ADK: variants seen among roughly 807,000 people sequenced by gnomAD.
The protein encoded by ADK is adenosine kinase, also known as N6,N6-dimethyladenosine kinase.
Under a neutral mutation model 44.7 loss-of-function variants are expected in ADK, and 24 were observed. The observed-to-expected ratio is 0.54, with a 90% confidence interval of 0.39 to 0.76. The LOEUF (loss-of-function observed/expected upper bound fraction) is 0.76, where lower values mean the gene tolerates loss of function less well. ADK is among the 30% of genes least tolerant of loss of function. ADK has a pLI of 0.00. For missense variants in ADK, 321 were observed against 425.1 expected (o/e 0.76, Z 2.15); for synonymous variants, 128 against 142.6 (o/e 0.90, Z 0.73).
At chr10:74,597,313 C>A (rs1484264704) in intron 8 of ADK, among the ~76,000 whole-genome samples, 2 of 151,956 alleles carry the variant, frequency 1.3e-5, no homozygotes, top group Non-Finnish European at 2.9e-5. Flanking sequence ...TCCCACATAC[C>A]CTTCACCCAG....
At chr10:74,444,947 T>C (rs1338883499) in intron 6 of ADK, among the ~76,000 whole-genome samples, 2 of 151,900 alleles carry the variant, frequency 1.3e-5, no homozygotes, top group East Asian at 3.8e-4. Flanking sequence ...AGATTAAAGG[T>C]GTAGGTTAGA....
At chr10:74,553,190 G>GTGT (rs1850097157) in intron 7 of ADK, among the ~76,000 whole-genome samples, 28 of 60,438 alleles carry the variant, frequency 4.6e-4, no homozygotes, top group East Asian at 2.0e-3. Context: ...AGCACATTGT[G>GTGT]TTTTTTTTTT....
At chr10:74,598,216 A>G (rs933729223) in intron 8 of ADK, among the ~76,000 whole-genome samples, 8 of 152,154 alleles carry the variant, frequency 5.3e-5, no homozygotes, top group African/African-American at 1.4e-4. Flanking sequence ...AGAAGAACCT[A>G]TTGGGGACAG....
chr10:74,606,330 G>C (rs1046719284), intron 9 of ADK, among the ~76,000 whole-genome samples: 15 of 152,130 alleles, frequency 9.9e-5, no homozygotes, highest in African/African-American at 3.6e-4. Flanking sequence ...TAATTGTGAT[G>C]TTAGGATGTC....
intron 2 of ADK, among the ~76,000 whole-genome samples, chr10:74,210,276 C>T (rs575162806): frequency 3.2e-4 from 45 of 138,914 alleles, no homozygotes; most frequent in Admixed American, 2.2e-3. Flanking sequence ...TGCAGTGAAC[C>T]GAGATTGCGC....
intron 6 of ADK, among the ~76,000 whole-genome samples, chr10:74,444,417 G>C (rs1426099710): frequency 1.3e-5 from 2 of 152,068 alleles, no homozygotes; most frequent in Non-Finnish European, 2.9e-5. Flanking sequence ...GTTTTATACT[G>C]ATCTTTTCAC....
chr10:74,688,261 T>C (rs1018507813), intron 10 of ADK, among the ~76,000 whole-genome samples: 2 of 152,318 alleles, frequency 1.3e-5, no homozygotes, highest in South Asian at 4.1e-4. Context: ...TTCTTTTTCA[T>C]AGTAGCACTT....
chr10:74,276,053 G>T lies in ADK; in HGVS notation c.195-38614G>T, dbSNP rs549688115. ...TAGTTTTTATCTTTTGATGTAAAGA[G>T]CCAAATTCCACCTTATTTTAATGCT... On this transcript the variant is annotated intron_variant, in intron 3 of 10. Transcript: ENST00000539909. Among the ~76,000 whole-genome samples the T allele has an allele frequency of 2.0e-5, 3 of 152,250 alleles. No individual in the cohort carries two copies. In the South Asian group the frequency reaches 6.2e-4, roughly 32 times the overall value.
At chr10:74,485,328 G>A in intron 6 of ADK, among the ~76,000 whole-genome samples, 1 of 152,020 alleles carries the variant, frequency 6.6e-6, no homozygotes, top group Admixed American at 6.6e-5. Flanking sequence ...CGGGCATGGT[G>A]GCACATGCCT....
intron 7 of ADK, among the ~76,000 whole-genome samples, chr10:74,573,609 G>A (rs1246384403): frequency 1.3e-5 from 2 of 152,232 alleles, no homozygotes; most frequent in African/African-American, 4.8e-5. Context: ...GCCCCCAGAG[G>A]TGGAGCCTAC....
At chr10:74,200,694 A>G (rs1305907982) in intron 1 of ADK, 70 bp from the exon 2 acceptor site, 2 of 1,029,322 alleles carry the variant, frequency 1.9e-6, no homozygotes, top group Non-Finnish European at 3.0e-6. Flanking sequence ...AGTTATTTTT[A>G]TTTTGTGTAC....
At chr10:74,158,205 C>G (rs1841807407) in intron 1 of ADK, among the ~76,000 whole-genome samples, 1 of 151,850 alleles carries the variant, frequency 6.6e-6, no homozygotes, top group Non-Finnish European at 1.5e-5. Flanking sequence ...TTGTATTTTC[C>G]AATGTTTCTA....
At chr10:74,383,425 T>TCTCC (rs1843041033) in intron 4 of ADK, among the ~76,000 whole-genome samples, 1 of 152,212 alleles carries the variant, frequency 6.6e-6, no homozygotes, top group African/African-American at 2.4e-5. Flanking sequence ...TCTCTCTCTC[T>TCTCC]CTTTCTCGGC....
chr10:74,573,276 C>G (rs890081540), intron 7 of ADK, among the ~76,000 whole-genome samples: 1 of 152,106 alleles, frequency 6.6e-6, no homozygotes, highest in Non-Finnish European at 1.5e-5. Context: ...CACTCCAGAC[C>G]CTGTTTGCCT....
At chr10:74,474,251 G>A (rs950902336) in intron 6 of ADK, among the ~76,000 whole-genome samples, 3 of 151,974 alleles carry the variant, frequency 2.0e-5, no homozygotes, top group Non-Finnish European at 4.4e-5. Flanking sequence ...CTATAGGCAT[G>A]TGCCACCACG....
chr10:74,409,979 C>G (rs1844110078), intron 6 of ADK, among the ~76,000 whole-genome samples: 1 of 152,118 alleles, frequency 6.6e-6, no homozygotes, highest in East Asian at 1.9e-4. Flanking sequence ...ATATCTTTAT[C>G]AGTAATCTAA....
At chr10:74,552,608 CTT>C (rs35421202) in intron 7 of ADK, among the ~76,000 whole-genome samples, 21 of 137,962 alleles carry the variant, frequency 1.5e-4, no homozygotes, top group Middle Eastern at 7.6e-3. Context: ...CTTAATAAAG[CTT>C]TTTTTTTTTT....
chr10:74,603,842 T>C (rs897424894), intron 9 of ADK, among the ~76,000 whole-genome samples: 2 of 152,240 alleles, frequency 1.3e-5, no homozygotes, highest in Non-Finnish European at 2.9e-5. Flanking sequence ...TCCACAATGG[T>C]TGAACTAATT....
chr10:74,346,541 T>C lies in ADK; in HGVS notation c.273+31796T>C, dbSNP rs893028577. Among the ~76,000 whole-genome samples the C allele has an allele frequency of 2.6e-5, 4 of 152,360 alleles. No homozygotes were observed. In the East Asian group the frequency reaches 7.7e-4, roughly 29 times the overall value. ...AAAGACAACACTAGAATCAATTAAA[T>C]GCAAGATTGAAAGGGTTTCATAATG... On this transcript the variant is annotated intron_variant, in intron 4 of 10. Coordinates refer to ENST00000539909, the MANE Select transcript of ADK (RefSeq NM_006721.4).
Sources: allele counts gnomAD v4.1 joint callset (sites outside exome capture counted in the v4.1 genomes callset), GRCh38; gene constraint gnomAD v4.1.1; transcripts MANE v1.5; gene names NCBI Gene and HGNC (gene_info 2026-07-23, HGNC 2026-07-21).